The following VTCN1 variants were observed in gnomAD, a reference collection of about 807,000 sequenced individuals.
VTCN1 encodes V-set domain containing T cell activation inhibitor 1.
In VTCN1, 26 loss-of-function variants were observed where a neutral mutation model predicts 26.5. The observed-to-expected ratio is 0.98, with a 90% CI of 0.72 to 1.36. The LOEUF (loss-of-function observed/expected upper bound fraction) is 1.36, where lower values mean the gene tolerates loss of function less well. VTCN1 is among the 40% of genes most tolerant of loss of function. The probability of loss-of-function intolerance (pLI) is 0.00; values close to 1 mark genes in which losing one functional copy is unlikely to be tolerated. For missense variants in VTCN1, 298 were observed against 337.7 expected (o/e 0.88, Z 0.92); for synonymous variants, 116 against 130.7 (o/e 0.89, Z 0.77).
rs747828648 is a variant in VTCN1 at position 117,156,610 on chromosome 1, C to A, written c.409G>T (p.Gly137Cys). 4.3e-6 allele frequency: 7 copies of A among 1,610,876 alleles called. No homozygotes were observed. The highest frequency in any genetic ancestry group is 1.3e-5 in the African/African-American group (1 of 74,866). ...TYKCYIITSK[G>C]KGNANLEYKT... Reference sequence around the variant, plus strand: ...TACTCAAGGTTAGCATTCCCCTTGCCTTTAGAAGTGATGATATAACATTTG... The same window carrying A: ...TACTCAAGGTTAGCATTCCCCTTGCATTTAGAAGTGATGATATAACATTTG... Residue 137 changes from glycine to cysteine, a missense_variant, in exon 3 of 6, where the codon GGC (glycine) becomes TGC (cysteine). Transcript: ENST00000369458.
At chr1:117,187,567 A>T (rs1232112671) in intron 1 of VTCN1, among the ~76,000 whole-genome samples, 1 of 152,130 alleles carries the variant, frequency 6.6e-6, no homozygotes, top group Non-Finnish European at 1.5e-5. Context: ...TGCATCAGAA[A>T]CTGTCTCTGT....
At position 117,151,052 on chromosome 1, in the gene VTCN1, C is replaced by T. The variant is rs976654457; in HGVS notation, c.724+2039G>A. On this transcript the variant is annotated intron_variant, in intron 4 of 5. Coordinates refer to ENST00000369458, the MANE Select transcript of VTCN1 (RefSeq NM_024626.4). Reference sequence around the variant, plus strand: ...ATTTTGGGTTGATTCTATCTCTTGACTTTGGTGAATAGTGCTACTGTGACC... The same window carrying T: ...ATTTTGGGTTGATTCTATCTCTTGATTTTGGTGAATAGTGCTACTGTGACC... Among the ~76,000 whole-genome samples, 6 of 152,262 alleles carry T rather than the reference C, an allele frequency of 3.9e-5. No homozygotes were observed. In the Middle Eastern group the frequency reaches 0.01, roughly 259 times the overall value.
At chr1:117,148,353 T>G (rs1391930637) in intron 4 of VTCN1, among the ~76,000 whole-genome samples, 1 of 152,202 alleles carries the variant, frequency 6.6e-6, no homozygotes, top group East Asian at 1.9e-4. Flanking sequence ...TCCAGTTTCT[T>G]CATCTATAAA....
intron 2 of VTCN1, among the ~76,000 whole-genome samples, chr1:117,158,584 G>A (rs763931982): frequency 2.6e-5 from 4 of 152,146 alleles, no homozygotes; most frequent in Non-Finnish European, 5.9e-5. Context: ...TGATGGGAGG[G>A]GCAGCCATGA....
In VTCN1 at chr1:117,175,531, A is replaced by G. The variant is rs905270934; in HGVS notation, c.33-5360T>C. 1.3e-5 allele frequency among the ~76,000 whole-genome samples: 2 copies of G among 152,150 alleles called. No individual in the cohort carries two copies. Among genetic ancestry groups the G allele is most frequent in the African/African-American group, 4.8e-5 (2 of 41,426 alleles). Reference sequence around the variant, plus strand: ...TAAAATAAAAATAGAACTGAAAGCCATGCTAAGCTTTTCCCACTGAAGTTC... The same window carrying G: ...TAAAATAAAAATAGAACTGAAAGCCGTGCTAAGCTTTTCCCACTGAAGTTC... On this transcript the variant is annotated intron_variant, in intron 1 of 5. Coordinates refer to ENST00000369458, the MANE Select transcript of VTCN1 (RefSeq NM_024626.4). The surrounding 1 kb of genome is among the most constrained non-coding windows in gnomAD (Gnocchi z 4.2).
At position 117,155,346 on chromosome 1, in the gene VTCN1, C is replaced by A. The variant is rs1455327754; in HGVS notation, c.445+1228G>T. ...GCTGGACTTCACTAAGTCCAATATA[C>A]CCTGAGTGGGATAGGGAAGGTTTCA... is the stretch of plus-strand genomic sequence containing the variant. On this transcript the variant is annotated intron_variant, in intron 3 of 5. Transcript: ENST00000369458. The surrounding 1 kb of genome is among the most constrained non-coding windows in gnomAD (Gnocchi z 4.8). Among the ~76,000 whole-genome samples the A allele has an allele frequency of 6.6e-6, 1 of 152,082 alleles. No homozygotes were observed. The highest frequency in any genetic ancestry group is 1.5e-5 in the Non-Finnish European group (1 of 68,024).
At chr1:117,177,911 GTTTTC>G (rs1647444342) in intron 1 of VTCN1, among the ~76,000 whole-genome samples, 2 of 145,438 alleles carry the variant, frequency 1.4e-5, no homozygotes, top group African/African-American at 5.1e-5. Context: ...ACTAATGAGT[GTTTTC>G]TTTTCTTTTT....
At chr1:117,153,031 T>A (rs1469815947) in intron 4 of VTCN1, 60 bp downstream of exon 4, 41 of 1,543,240 alleles carry the variant, frequency 2.7e-5, no homozygotes, top group Non-Finnish European at 3.4e-5. Context: ...TGAAGTTAAA[T>A]TTTAATTTAG....
intron 1 of VTCN1, among the ~76,000 whole-genome samples, chr1:117,210,297 TG>T (rs372085733): frequency 2.6e-5 from 4 of 151,904 alleles, no homozygotes; most frequent in South Asian, 2.1e-4. Flanking sequence ...ACCTTTGAGC[TG>T]GGGGGGCCTG....
chr1:117,190,667 T>C (rs1339224017), intron 1 of VTCN1, among the ~76,000 whole-genome samples: 1 of 152,200 alleles, frequency 6.6e-6, no homozygotes, highest in Non-Finnish European at 1.5e-5. Context: ...CCACCAACAG[T>C]GGACCCTGCT....
intron 1 of VTCN1, among the ~76,000 whole-genome samples, chr1:117,202,170 G>C (rs147662372): frequency 1.1e-3 from 164 of 152,332 alleles, no homozygotes; most frequent in African/African-American, 3.8e-3. Flanking sequence ...GTTATATTCT[G>C]TTCCTGAACA....
At chr1:117,151,725 C>G (rs1651810797) in intron 4 of VTCN1, among the ~76,000 whole-genome samples, 1 of 152,162 alleles carries the variant, frequency 6.6e-6, no homozygotes, top group Non-Finnish European at 1.5e-5. Flanking sequence ...CCGGCTGGCT[C>G]CATATCTCAG....
chr1:117,147,886 T>G lies in VTCN1; in HGVS notation c.725-104A>C, dbSNP rs1390204610. 4.1e-6 allele frequency: 6 copies of G among 1,478,310 alleles called. No individual in the cohort carries two copies. In the South Asian group the frequency reaches 6.9e-5, roughly 17 times the overall value. The allele number at this position is 1,478,310 out of a possible 1,614,324, so 91.6% of individuals were successfully genotyped here. On this transcript the variant is annotated intron_variant, in intron 4 of 5. Transcript: ENST00000369458. The surrounding 1 kb of genome is among the most constrained non-coding windows in gnomAD (Gnocchi z 4.6). The stretch of plus-strand genomic sequence containing the variant: ...AGTACCTGAAAAACAGAACAAGTTG[T>G]TCCTAATTCAGGCAATTTTTTACCC...
At chr1:117,186,059 C>T (rs573556300) in intron 1 of VTCN1, among the ~76,000 whole-genome samples, 1 of 152,322 alleles carries the variant, frequency 6.6e-6, no homozygotes, top group African/African-American at 2.4e-5. Context: ...TTTAGTTTCA[C>T]ACATTCCTTG....
In VTCN1 at chr1:117,161,100, GA is replaced by G. The variant is rs1652345247; in HGVS notation, c.98-4180del. 6.6e-6 allele frequency among the ~76,000 whole-genome samples: 1 copy of G among 152,196 alleles called. No homozygotes were observed. ...GAGATCTGGGAGACGAATTATGAAA[GA>G]GGACAAAATGAAGTTTTTGCTGTGT... On this transcript the variant is annotated intron_variant, in intron 2 of 5. Coordinates refer to ENST00000369458, the MANE Select transcript of VTCN1 (RefSeq NM_024626.4). The surrounding 1 kb of genome is among the most constrained non-coding windows in gnomAD (Gnocchi z 4.3).
intron 1 of VTCN1, chr1:117,173,189 C>G (rs890436389): frequency 1.4e-6 from 1 of 716,470 alleles, no homozygotes; most frequent in Admixed American, 2.0e-5. Flanking sequence ...ACACTCACCG[C>G]GAGGTCAGCG....
intron 2 of VTCN1, among the ~76,000 whole-genome samples, chr1:117,158,223 T>C (rs1187041624): frequency 6.6e-6 from 1 of 152,190 alleles, no homozygotes; most frequent in Non-Finnish European, 1.5e-5. Context: ...GACTTTGTGT[T>C]GGGGCTCCGA....
rs1652001552 is a variant in VTCN1 at position 117,155,100 on chromosome 1, G to A, written c.445+1474C>T. ...TTTCCATGACCTTGACAGTTCTGAG[G>A]AGTACTGGTTAGGTATTCTGTAGGT... On this transcript the variant is annotated intron_variant, in intron 3 of 5. Coordinates refer to ENST00000369458, the MANE Select transcript of VTCN1 (RefSeq NM_024626.4). The surrounding 1 kb of genome is among the most constrained non-coding windows in gnomAD (Gnocchi z 4.8). Among the ~76,000 whole-genome samples, 3 of 152,288 alleles carry A rather than the reference G, an allele frequency of 2.0e-5. No individual in the cohort carries two copies. In the South Asian group the frequency reaches 6.2e-4, roughly 32 times the overall value.
chr1:117,186,069 G>C (rs931500560), intron 1 of VTCN1, among the ~76,000 whole-genome samples: 1 of 152,126 alleles, frequency 6.6e-6, no homozygotes, highest in Admixed American at 6.5e-5. Context: ...CACATTCCTT[G>C]CATGAAATTC....
Sources: gnomAD v4.1 joint callset for allele counts (sites outside exome capture counted in the v4.1 genomes callset) on GRCh38, gnomAD v4.1.1 for gene constraint, Gnocchi (gnomAD v3.1) non-coding constraint, MANE v1.5 for transcripts, NCBI Gene and HGNC (gene_info 2026-07-23, HGNC 2026-07-21) for gene names.